PCDHGA3: variants seen among roughly 807,000 people sequenced by gnomAD.
PCDHGA3 encodes the protein protocadherin gamma subfamily A, 3.
A neutral mutation model predicts 58.5 loss-of-function variants in PCDHGA3; 40 were observed. That is an observed-to-expected ratio of 0.68 (90% CI 0.53 to 0.89). The LOEUF (loss-of-function observed/expected upper bound fraction) is 0.89. Among genes scored for constraint, PCDHGA3 ranks in the 40% least tolerant of loss-of-function variants. The pLI, the probability that PCDHGA3 is intolerant of heterozygous loss-of-function variation, is 0.00. For missense variants in PCDHGA3, 1,223 were observed against 1,195.9 expected, an observed-to-expected ratio of 1.02 and a Z score of -0.33; for synonymous variants, 530 against 525.7, an observed-to-expected ratio of 1.01 and a Z score of -0.11.
intron 1 of PCDHGA3, chr5:141,420,545 A>G: frequency 3.5e-6 from 1 of 289,066 alleles, no homozygotes; most frequent in Non-Finnish European, 6.2e-6. Flanking sequence ...TATAAAATAC[A>G]GGTATATTTT....
chr5:141,413,793 C>G, intron 1 of PCDHGA3: 1 of 1,613,106 alleles, frequency 6.2e-7, no homozygotes, highest in South Asian at 1.1e-5. Context: ...CCCTAGATCG[C>G]GAGGAAGAGG....
rs2233607 is a variant in PCDHGA3 at position 141,490,647 on chromosome 5, G to A, written c.2425-4160G>A. The A allele has an allele frequency of 2.5e-3, 3,973 of 1,614,082 alleles. 41 individuals carry two copies. The African/African-American group carries it at 0.027, about 11-fold the overall frequency. ...CTTACATCCTAGAAAACCGGCCTCC[G>A]GGCTCCCTTCTTTGCACTGTGGCTG... is the stretch of plus-strand genomic sequence containing the variant. On this transcript the variant is annotated intron_variant, in intron 1 of 3. Transcript: ENST00000253812. The surrounding 1 kb of genome is among the most constrained non-coding windows in gnomAD (Gnocchi z 5.4).
chr5:141,436,700 C>T (rs2097841356), intron 1 of PCDHGA3, among the ~76,000 whole-genome samples: 1 of 152,166 alleles, frequency 6.6e-6, no homozygotes, highest in Non-Finnish European at 1.5e-5. Flanking sequence ...AATGCCAGCA[C>T]ACTCGATGTT....
rs542248328 is a variant in PCDHGA3, at chr5:141,432,682, C to T, written c.2425-62125C>T. ...TGGACAGAGACGCGCTCAAGCAGAG[C>T]CTCGTAGTGGCCGTCCAGGACCACG... On this transcript the variant is annotated intron_variant, in intron 1 of 3. Coordinates refer to ENST00000253812, the MANE Select transcript of PCDHGA3 (RefSeq NM_018916.4). This position sits in a 1 kb window ranked among gnomAD's most constrained non-coding sequence, Gnocchi z 6.0. The T allele has an allele frequency of 6.5e-5, 105 of 1,613,976 alleles. No homozygotes were observed. In the African/African-American group the frequency reaches 1.1e-3, roughly 17 times the overall value.
chr5:141,375,376 T>C (rs369693089), intron 1 of PCDHGA3: 1 of 1,613,930 alleles, frequency 6.2e-7, no homozygotes, highest in Non-Finnish European at 8.5e-7. Flanking sequence ...GAACACCACC[T>C]CTGTCTACAG....
intron 1 of PCDHGA3, chr5:141,420,339 T>C: frequency 7.2e-7 from 1 of 1,395,458 alleles, no homozygotes; most frequent in Non-Finnish European, 9.6e-7. Context: ...TCCAATATAG[T>C]GGTATTATTT....
At chr5:141,427,198 T>G (rs1345851173) in intron 1 of PCDHGA3, 1 of 456,584 alleles carries the variant, frequency 2.2e-6, no homozygotes, top group African/African-American at 2.0e-5. Flanking sequence ...AAAGACTTAA[T>G]AGACTTCGAA....
chr5:141,388,324 A>G, intron 1 of PCDHGA3: 1 of 1,613,978 alleles, frequency 6.2e-7, no homozygotes, highest in Non-Finnish European at 8.5e-7. Context: ...GAGTCTGCAC[A>G]GCCTGGCACA....
intron 1 of PCDHGA3, among the ~76,000 whole-genome samples, chr5:141,458,596 G>A (rs907922436): frequency 1.8e-4 from 27 of 151,842 alleles, no homozygotes; most frequent in African/African-American, 5.8e-4. Flanking sequence ...TTGGAGACGA[G>A]TCTCACTCTG....
intron 1 of PCDHGA3, among the ~76,000 whole-genome samples, chr5:141,438,615 TATATATATATATATATATATACACACAC>T (rs2098021754): frequency 1.1e-4 from 4 of 35,920 alleles, no homozygotes; most frequent in Non-Finnish European, 1.8e-4. Flanking sequence ...TATATATATA[TATATATATATATATATATATACACACAC>T]ACACACACAT....
In PCDHGA3 at chr5:141,415,509, T is replaced by C. The variant is rs1296405723; in HGVS notation, c.2424+69052T>C. The C allele has an allele frequency of 4.3e-6, 7 of 1,614,054 alleles. No individual in the cohort carries two copies. In the Admixed American group the frequency reaches 5.0e-5, roughly 12 times the overall value. On this transcript the variant is annotated intron_variant, in intron 1 of 3. Transcript: ENST00000253812. ...GTCACCTGATCTTCCCCCAGCCCAA[T>C]TATGCGGACACGCTCATCAGCCAGG...
chr5:141,383,951 C>CT (rs1779634638), intron 1 of PCDHGA3: 1 of 1,613,676 alleles, frequency 6.2e-7, no homozygotes, highest in African/African-American at 1.3e-5. Context: ...ACTATGACGT[C>CT]TTTAAGTAGC....
At chr5:141,405,020 A>G in intron 1 of PCDHGA3, 1 of 1,613,342 alleles carries the variant, frequency 6.2e-7, no homozygotes, top group Non-Finnish European at 8.5e-7. Context: ...CTCAGACCTT[A>G]CCCTCTACCT....
In PCDHGA3 at chr5:141,344,532, C is replaced by A; in HGVS notation, c.499C>A (p.Leu167Met). Residue 167 changes from leucine to methionine, a missense_variant, in exon 1 of 4, where the codon CTG becomes ATG. Coordinates refer to ENST00000253812, the MANE Select transcript of PCDHGA3 (RefSeq NM_018916.4). ...AFDPDVGINS[L>M]QNYKLSPNDY... ...TGACCCAGATGTAGGCATTAACTCC[C>A]TGCAGAACTACAAGCTTAGCCCCAA... The A allele has an allele frequency of 6.2e-7, 1 of 1,614,028 alleles. No individual in the cohort carries two copies. The highest frequency in any genetic ancestry group is 8.5e-7 in the Non-Finnish European group (1 of 1,179,894).
rs1247556723 is a variant in PCDHGA3 at position 141,489,841 on chromosome 5, G to A, written c.2425-4966G>A. 6.2e-7 allele frequency: 1 copy of A among 1,614,224 alleles called. No individual in the cohort carries two copies. The highest frequency in any genetic ancestry group is 1.7e-5 in the Admixed American group (1 of 60,032). On this transcript the variant is annotated intron_variant, in intron 1 of 3. Coordinates refer to ENST00000253812, the MANE Select transcript of PCDHGA3 (RefSeq NM_018916.4). The surrounding 1 kb of genome is among the most constrained non-coding windows in gnomAD (Gnocchi z 4.5). Reference sequence around the variant, plus strand: ...AGAGCTGGTGCTAGAGCAGCAGCTGGATCGTGAAGCCCAGGCAAGACATCA... The same window carrying A: ...AGAGCTGGTGCTAGAGCAGCAGCTGAATCGTGAAGCCCAGGCAAGACATCA...
At chr5:141,408,643 C>T (rs751905674) in intron 1 of PCDHGA3, 3 of 1,613,910 alleles carry the variant, frequency 1.9e-6, no homozygotes, top group Non-Finnish European at 1.7e-6. Context: ...AATCTGCATC[C>T]GCTGGTACAC....
At position 141,494,841 on chromosome 5, in the gene PCDHGA3, A is replaced by G. The variant is rs1163193977; in HGVS notation, c.2459A>G (p.Gln820Arg). ...APPNTDWRFS[Q>R]AQRPGTSGSQ... ...CCCAACACGGACTGGCGTTTCTCTC[A>G]GGCCCAGAGACCCGGCACCAGCGGG... The change falls in exon 2 of 4, where the codon CAG (glutamine) becomes CGG (arginine). Residue 820 changes from glutamine to arginine, a missense_variant. Gln to Arg is a conservative substitution (Grantham distance 43). Coordinates refer to ENST00000253812, the MANE Select transcript of PCDHGA3 (RefSeq NM_018916.4). 1 of 1,613,996 alleles carries G rather than the reference A, an allele frequency of 6.2e-7. No homozygotes were observed. The highest frequency in any genetic ancestry group is 1.1e-5 in the South Asian group (1 of 91,074).
At chr5:141,365,534 T>C (rs761287174) in intron 1 of PCDHGA3, 1 of 1,613,758 alleles carries the variant, frequency 6.2e-7, no homozygotes, top group Non-Finnish European at 8.5e-7. Flanking sequence ...TGATAATTAC[T>C]ATCACCTATT....
In PCDHGA3 at chr5:141,453,631, T is replaced by C. The variant is rs114710858; in HGVS notation, c.2425-41176T>C. On this transcript the variant is annotated intron_variant, in intron 1 of 3. Transcript: ENST00000253812. ...AACGCAAAAACAAAACCTATACATATTTATATTTTCTTATGTCCTCTTCTT... is the reference window on the plus strand; with the variant it reads ...AACGCAAAAACAAAACCTATACATACTTATATTTTCTTATGTCCTCTTCTT... Among the ~76,000 whole-genome samples the C allele has an allele frequency of 8.2e-3, 1,249 of 152,332 alleles. 7 individuals are homozygous for C. Among genetic ancestry groups the C allele is most frequent in the Non-Finnish European group, 0.013 (893 of 68,030 alleles).
Sources: allele counts gnomAD v4.1 joint callset (sites outside exome capture counted in the v4.1 genomes callset), GRCh38; gene constraint gnomAD v4.1.1; non-coding constraint Gnocchi (gnomAD v3.1); transcripts MANE v1.5; gene names NCBI Gene and HGNC (gene_info 2026-07-23, HGNC 2026-07-21).